The following COL4A3 variants were observed in gnomAD, a reference collection of about 807,000 sequenced individuals.
COL4A3 encodes the protein collagen type IV alpha 3 chain, also known as collagen alpha-3(IV) chain.
A neutral mutation model predicts 217.4 loss-of-function variants in COL4A3; 135 were observed. The ratio of observed to expected loss-of-function variants is 0.62; its 90% CI spans 0.54 to 0.72. The LOEUF is 0.72. Among genes scored for constraint, COL4A3 ranks in the 30% least tolerant of loss-of-function variants. The pLI, the probability that COL4A3 is intolerant of heterozygous loss-of-function variation, is 0.00. For missense variants in COL4A3, 1,868 were observed against 2,119.9 expected (o/e 0.88, Z 2.33); for synonymous variants, 690 against 736.3 (o/e 0.94, Z 1.02).
chr2:227,291,934 G>T (rs1397754150), intron 37 of COL4A3, among the ~76,000 whole-genome samples: 1 of 152,206 alleles, frequency 6.6e-6, no homozygotes, highest in African/African-American at 2.4e-5. Context: ...GACCACTAGA[G>T]AATGATTAAT....
At position 227,261,100 on chromosome 2, in the gene COL4A3, G is replaced by A; in HGVS notation, c.1133G>A (p.Gly378Glu). Residue 378 changes from glycine (G) to glutamate (E), a missense_variant, in exon 20 of 52, where the codon GGA (glycine) becomes GAA (glutamate). Transcript: ENST00000396578. ...TTCCCAGGTCCCAGTGGTCCCCCCGGAGTTCCTGGAAGTCCTGGTATGTCC... is the reference window on the plus strand; with the variant it reads ...TTCCCAGGTCCCAGTGGTCCCCCCGAAGTTCCTGGAAGTCCTGGTATGTCC... ...RGPQGPSGPP[G>E]VPGSPGSSRP... The A allele has an allele frequency of 2.5e-6, 4 of 1,612,290 alleles. No individual in the cohort carries two copies. The highest frequency in any genetic ancestry group is 3.4e-6 in the Non-Finnish European group (4 of 1,178,340).
At position 227,313,144 on chromosome 2, in the gene COL4A3, T is replaced by C. The variant is rs192736312; in HGVS notation, c.*1274T>C. The C allele has an allele frequency of 6.5e-5, 10 of 152,742 alleles. No individual in the cohort carries two copies. The highest frequency in any genetic ancestry group is 1.5e-5 in the Non-Finnish European group (1 of 68,032). 9.5% of individuals were successfully genotyped at this position (152,742 alleles called of 1,614,324 possible). ...ACCAAGCATGTCCCAGGCACTGTAC[T>C]AACCTACAGAGATGCTAAGAGAAAA... On this transcript the variant is annotated 3_prime_UTR_variant, in exon 52 of 52. Transcript: ENST00000396578.
intron 27 of COL4A3, among the ~76,000 whole-genome samples, chr2:227,277,207 T>A (rs1036069914): frequency 6.6e-6 from 1 of 151,732 alleles, no homozygotes; most frequent in Non-Finnish European, 1.5e-5. Flanking sequence ...TGGTCCCAGC[T>A]ACTCGGGAGG....
At chr2:227,292,471 A>T (rs1048764602) in intron 37 of COL4A3, among the ~76,000 whole-genome samples, 5 of 152,388 alleles carry the variant, frequency 3.3e-5, no homozygotes, top group Admixed American at 1.3e-4. Context: ...ATAAATTTTT[A>T]GAACTGTGCA....
At chr2:227,232,774 C>T (rs78274792) in intron 1 of COL4A3, among the ~76,000 whole-genome samples, 2,295 of 151,678 alleles carry the variant, frequency 0.015, 37 homozygotes, top group African/African-American at 0.052. Context: ...ACTATTTTAA[C>T]GAAGTAATTT....
intron 48 of COL4A3, among the ~76,000 whole-genome samples, chr2:227,308,428 T>TGAA (rs2073603423): frequency 6.6e-6 from 1 of 152,086 alleles, no homozygotes; most frequent in African/African-American, 2.4e-5. Context: ...TGTCAAGGTT[T>TGAA]CTCTCAAACT....
At position 227,308,956 on chromosome 2, in the gene COL4A3, T is replaced by G; in HGVS notation, c.4520T>G (p.Val1507Gly). The G allele has an allele frequency of 6.2e-7, 1 of 1,614,238 alleles. No homozygotes were observed. ...FTTMPFLFCN[V>G]NDVCNFASRN... ...ACAATGCCATTCTTATTCTGCAATG[T>G]CAATGATGTATGTAATTTTGCATCT... The change falls in exon 49 of 52, where the codon GTC becomes GGC. Residue 1507 changes from valine (V) to glycine (G), a missense_variant. Coordinates refer to ENST00000396578, the MANE Select transcript of COL4A3 (RefSeq NM_000091.5).
intron 33 of COL4A3, 106 bp downstream of exon 33, chr2:227,283,962 G>A (rs891886572): frequency 7.3e-6 from 8 of 1,096,416 alleles, no homozygotes; most frequent in Admixed American, 3.8e-5. Context: ...AGTTCTGAGA[G>A]AGCAACAGTA....
At chr2:227,240,524 C>CA (rs1187132913) in intron 3 of COL4A3, among the ~76,000 whole-genome samples, 3 of 152,210 alleles carry the variant, frequency 2.0e-5, no homozygotes, top group African/African-American at 4.8e-5. Context: ...AGTGAAAACT[C>CA]AGAGCTCTTT....
At chr2:227,294,365 A>G (rs2072926573) in intron 38 of COL4A3, 125 bp from the exon 39 acceptor site, 1 of 787,840 alleles carries the variant, frequency 1.3e-6, no homozygotes, top group African/African-American at 1.7e-5. Flanking sequence ...TGACCTTGCA[A>G]CAAGAGAGCT....
At chr2:227,215,101 C>T (rs1273581306) in intron 1 of COL4A3, among the ~76,000 whole-genome samples, 1 of 151,700 alleles carries the variant, frequency 6.6e-6, no homozygotes, top group East Asian at 1.9e-4. Context: ...TCTAGCAGTG[C>T]ATTTTTATTT....
chr2:227,257,682 A>G, intron 18 of COL4A3, 38 bp downstream of exon 18: 6 of 1,590,666 alleles, frequency 3.8e-6, no homozygotes, highest in Non-Finnish European at 5.2e-6. Flanking sequence ...GCTATGTTTG[A>G]TCAAGTTCTT....
In COL4A3 at chr2:227,253,385, C is replaced by T; in HGVS notation, c.687+48C>T. 6.3e-7 allele frequency: 1 copy of T among 1,579,918 alleles called. No individual in the cohort carries two copies. Among genetic ancestry groups the T allele is most frequent in the Non-Finnish European group, 8.7e-7 (1 of 1,148,964 alleles). ...TTAGCAGGCGAGATATTTTATGTCC[C>T]AGAGCATATCAGCCTATACCGTTTA... is the stretch of plus-strand genomic sequence containing the variant. On this transcript the variant is annotated intron_variant, in intron 12 of 51. Transcript: ENST00000396578. This position sits in a 1 kb window ranked among gnomAD's most constrained non-coding sequence, Gnocchi z 4.4.
At chr2:227,263,728 C>A (rs569379135) in intron 20 of COL4A3, 52 bp from the exon 21 acceptor site, 2 of 1,519,388 alleles carry the variant, frequency 1.3e-6, no homozygotes, top group South Asian at 2.4e-5. Context: ...AAAATAAATT[C>A]GTATTAATCA....
chr2:227,289,097 C>T (rs56195241), intron 34 of COL4A3, 53 bp from the exon 35 acceptor site: 26,109 of 1,417,490 alleles, frequency 0.018, 292 homozygotes, highest in Non-Finnish European at 0.023. Context: ...ATTACAGGCA[C>T]CTGCCACCAC....
intron 1 of COL4A3, among the ~76,000 whole-genome samples, chr2:227,201,320 A>G (rs545784666): frequency 6.9e-4 from 105 of 152,248 alleles, no homozygotes; most frequent in Non-Finnish European, 1.2e-3. Context: ...TAAAATGTTA[A>G]CAGTAGTTTA....
At chr2:227,207,823 G>T (rs2067157372) in intron 1 of COL4A3, among the ~76,000 whole-genome samples, 1 of 152,226 alleles carries the variant, frequency 6.6e-6, no homozygotes, top group South Asian at 2.1e-4. Flanking sequence ...CTGCTCTGGA[G>T]CTTCTAAGCC....
chr2:227,313,417 A>G lies in COL4A3; in HGVS notation c.*1547A>G, dbSNP rs2073809399. 6.6e-6 allele frequency: 1 copy of G among 152,604 alleles called. No homozygotes were observed. Among genetic ancestry groups the G allele is most frequent in the Non-Finnish European group, 1.5e-5 (1 of 68,036 alleles). 9.5% of individuals were successfully genotyped at this position (152,604 alleles called of 1,614,324 possible). A position where few individuals can be genotyped will look rare whatever the true frequency, so the allele number is the denominator to read the frequency against. ...ATAAGGTCTGAATAATAGCAGAAAA[A>G]CCAACATCTACAAAACATTAAACTA... On this transcript the variant is annotated 3_prime_UTR_variant, in exon 52 of 52. Transcript: ENST00000396578.
chr2:227,203,452 T>C (rs999627583), intron 1 of COL4A3, among the ~76,000 whole-genome samples: 1 of 55,234 alleles, frequency 1.8e-5, no homozygotes, highest in South Asian at 8.2e-4. Context: ...TGTGTATACA[T>C]ACATATATGT....
Sources: allele counts gnomAD v4.1 joint callset (sites outside exome capture counted in the v4.1 genomes callset), GRCh38; gene constraint gnomAD v4.1.1; non-coding constraint Gnocchi (gnomAD v3.1); transcripts MANE v1.5; gene names NCBI Gene and HGNC (gene_info 2026-07-23, HGNC 2026-07-21).